The following PRKCA variants were observed in gnomAD, a reference collection of about 807,000 sequenced individuals.
PRKCA encodes the protein protein kinase C alpha.
A neutral mutation model predicts 87.0 loss-of-function variants in PRKCA; 27 were observed. That is an observed-to-expected ratio of 0.31 (90% confidence interval 0.23 to 0.43). The LOEUF (loss-of-function observed/expected upper bound fraction) is 0.43, where lower values mean the gene tolerates loss of function less well. Among genes scored for constraint, PRKCA ranks in the 20% least tolerant of loss-of-function variants. The pLI is 1.00. For synonymous variants in PRKCA, 329 were observed against 311.1 expected, an observed-to-expected ratio of 1.06 and a Z score of -0.61; for missense variants, 518 against 852.3, an observed-to-expected ratio of 0.61 and a Z score of 4.88.
In PRKCA at chr17:66,535,619, C is replaced by T. The variant is rs557370221; in HGVS notation, c.288+39336C>T. 1.2e-4 allele frequency among the ~76,000 whole-genome samples: 18 copies of T among 152,286 alleles called. No individual in the cohort carries two copies. In the South Asian group the frequency reaches 1.5e-3, roughly 12 times the overall value. ...CACAGCTCTCGAGGGGTTCTGCAGACGACCAGAGCCTGAGACCTTTTCTTG... is the reference window on the plus strand; with the variant it reads ...CACAGCTCTCGAGGGGTTCTGCAGATGACCAGAGCCTGAGACCTTTTCTTG... On this transcript the variant is annotated intron_variant, in intron 3 of 16. Coordinates refer to ENST00000413366, the MANE Select transcript of PRKCA (RefSeq NM_002737.3).
At chr17:66,457,780 C>T (rs1447241579) in intron 2 of PRKCA, among the ~76,000 whole-genome samples, 1 of 152,100 alleles carries the variant, frequency 6.6e-6, no homozygotes, top group Non-Finnish European at 1.5e-5. Context: ...TTCCTGAGGC[C>T]TCCTCAGCCC....
intron 2 of PRKCA, among the ~76,000 whole-genome samples, chr17:66,439,812 G>A (rs140895237): frequency 0.01 from 1,523 of 152,286 alleles, 61 homozygotes; most frequent in Admixed American, 0.06. Flanking sequence ...AAAACCTTTT[G>A]TGCATTTTAC....
intron 3 of PRKCA, among the ~76,000 whole-genome samples, chr17:66,614,001 G>C (rs1200837668): frequency 6.6e-6 from 1 of 152,000 alleles, no homozygotes; most frequent in African/African-American, 2.4e-5. Flanking sequence ...AAGATGGCCA[G>C]GCTTGTCTTG....
intron 3 of PRKCA, among the ~76,000 whole-genome samples, chr17:66,499,079 G>A (rs1422944097): frequency 6.6e-6 from 1 of 152,174 alleles, no homozygotes; most frequent in Non-Finnish European, 1.5e-5. Flanking sequence ...GACGCTGGGA[G>A]TCAGTTGAGT....
intron 8 of PRKCA, among the ~76,000 whole-genome samples, chr17:66,721,540 A>G (rs2144161813): frequency 6.6e-6 from 1 of 152,166 alleles, no homozygotes; most frequent in South Asian, 2.1e-4. Context: ...GGGGCAGGCA[A>G]TTCCCAGCAC....
intron 3 of PRKCA, among the ~76,000 whole-genome samples, chr17:66,498,155 C>T (rs1916566046): frequency 6.6e-6 from 1 of 151,310 alleles, no homozygotes. Context: ...CTGCCCCCTG[C>T]CCCGGCCACT....
chr17:66,646,822 G>C (rs1971470726), intron 5 of PRKCA, among the ~76,000 whole-genome samples: 1 of 152,180 alleles, frequency 6.6e-6, no homozygotes, highest in East Asian at 1.9e-4. Context: ...GAGGGTAACA[G>C]TTTGCCTCTG....
intron 3 of PRKCA, among the ~76,000 whole-genome samples, chr17:66,497,185 A>G (rs528135706): frequency 1.6e-4 from 24 of 152,170 alleles, no homozygotes; most frequent in Admixed American, 3.3e-4. Context: ...TCTCTGTTGC[A>G]TCTCTTGTGT....
intron 8 of PRKCA, among the ~76,000 whole-genome samples, chr17:66,722,563 G>T (rs1172239818): frequency 6.6e-6 from 1 of 152,214 alleles, no homozygotes; most frequent in Non-Finnish European, 1.5e-5. Context: ...CACTGCAGGA[G>T]CTCTTTGAAT....
At chr17:66,674,613 A>G (rs62072403) in intron 5 of PRKCA, among the ~76,000 whole-genome samples, 1,708 of 152,330 alleles carry the variant, frequency 0.011, 21 homozygotes, top group Middle Eastern at 0.017. Context: ...CGTCACTGAC[A>G]TTTAGATAGA....
chr17:66,342,847 A>G (rs181446811), intron 2 of PRKCA, among the ~76,000 whole-genome samples: 80 of 152,338 alleles, frequency 5.3e-4, no homozygotes, highest in Non-Finnish European at 7.2e-4. Flanking sequence ...CAGAAGTGAA[A>G]ATAGCATGTG....
chr17:66,316,032 A>G (rs1437159958), intron 2 of PRKCA, among the ~76,000 whole-genome samples: 1 of 152,196 alleles, frequency 6.6e-6, no homozygotes, highest in African/African-American at 2.4e-5. Flanking sequence ...GCTCATCAGG[A>G]GATGGCTCTT....
At chr17:66,425,181 A>G (rs777232112) in intron 2 of PRKCA, among the ~76,000 whole-genome samples, 1 of 152,114 alleles carries the variant, frequency 6.6e-6, no homozygotes, top group African/African-American at 2.4e-5. Context: ...AACGTAGCCA[A>G]AGTTTTCAGA....
chr17:66,326,668 C>G (rs1906000166), intron 2 of PRKCA, among the ~76,000 whole-genome samples: 1 of 152,146 alleles, frequency 6.6e-6, no homozygotes, highest in African/African-American at 2.4e-5. Context: ...CTGTCAAGAT[C>G]AATTATGTTG....
chr17:66,441,121 C>T (rs2143873167), intron 2 of PRKCA, among the ~76,000 whole-genome samples: 1 of 144,576 alleles, frequency 6.9e-6, no homozygotes, highest in African/African-American at 2.6e-5. Flanking sequence ...CAGATCGCGG[C>T]ACTGCACTCC....
chr17:66,475,787 A>G (rs1915510834), intron 2 of PRKCA, among the ~76,000 whole-genome samples: 1 of 152,218 alleles, frequency 6.6e-6, no homozygotes, highest in South Asian at 2.1e-4. Flanking sequence ...ACTGAGTGCC[A>G]TCACACATAA....
intron 3 of PRKCA, among the ~76,000 whole-genome samples, chr17:66,552,027 A>G (rs771169405): frequency 6.6e-6 from 1 of 152,170 alleles, no homozygotes; most frequent in Non-Finnish European, 1.5e-5. Flanking sequence ...GCCAGGCACA[A>G]TGACTCATGC....
intron 2 of PRKCA, among the ~76,000 whole-genome samples, chr17:66,404,349 G>T (rs535552761): frequency 6.6e-6 from 1 of 152,306 alleles, no homozygotes; most frequent in East Asian, 1.9e-4. Flanking sequence ...TGGCCAAGTA[G>T]CTGGTTCCTA....
chr17:66,773,173 C>T lies in PRKCA; in HGVS notation c.1525-814C>T, dbSNP rs72838629. The stretch of plus-strand genomic sequence containing the variant: ...ACTAGTCAACATACCATTATGCCAC[C>T]TAACAAAATGAATGGTAAGTCCTCA... On this transcript the variant is annotated intron_variant, in intron 13 of 16. Coordinates refer to ENST00000413366, the MANE Select transcript of PRKCA (RefSeq NM_002737.3). Among the ~76,000 whole-genome samples, 1,232 of 152,224 alleles carry T rather than the reference C, an allele frequency of 8.1e-3. 4 individuals are homozygous for T. The highest frequency in any genetic ancestry group is 0.021 in the South Asian group (101 of 4,824).
Sources: allele counts gnomAD v4.1 joint callset (sites outside exome capture counted in the v4.1 genomes callset), GRCh38; gene constraint gnomAD v4.1.1; transcripts MANE v1.5; gene names NCBI Gene and HGNC (gene_info 2026-07-23, HGNC 2026-07-21).